KCNH8: variants seen among roughly 807,000 people sequenced by gnomAD.
KCNH8 encodes potassium voltage-gated channel subfamily H member 8.
In KCNH8, 70 loss-of-function variants were observed where a neutral mutation model predicts 103.6. That is an observed-to-expected ratio of 0.68 (90% CI 0.56 to 0.82). The LOEUF (loss-of-function observed/expected upper bound fraction) is 0.82, where lower values mean the gene tolerates loss of function less well. Ranked by LOEUF, KCNH8 falls within the 40% of genes least tolerant of loss-of-function variation. The pLI is 0.00. For synonymous variants in KCNH8, 498 were observed against 489.4 expected, an observed-to-expected ratio of 1.02 and a Z score of -0.23; for missense variants, 1,217 against 1,329.9, an observed-to-expected ratio of 0.92 and a Z score of 1.32.
At chr3:19,300,108 G>A (rs2065046689) in intron 3 of KCNH8, among the ~76,000 whole-genome samples, 1 of 152,126 alleles carries the variant, frequency 6.6e-6, no homozygotes, top group African/African-American at 2.4e-5. Context: ...AATTAGCCAG[G>A]CATGGTGGCA....
chr3:19,486,379 C>T (rs1276530935), intron 11 of KCNH8, among the ~76,000 whole-genome samples: 2 of 152,208 alleles, frequency 1.3e-5, no homozygotes, highest in Admixed American at 1.3e-4. Flanking sequence ...CTTTGGTATT[C>T]ATCAAGGTTA....
rs554244294 is a variant in KCNH8, at chr3:19,185,007, T to G, written c.76+36212T>G. On this transcript the variant is annotated intron_variant, in intron 1 of 15. Transcript: ENST00000328405. ...GTGCATTATATAGATATACCATACT[T>G]GGTTTATCCATATACCAGTTGTTGA... is the stretch of plus-strand genomic sequence containing the variant. 1.9e-4 allele frequency among the ~76,000 whole-genome samples: 29 copies of G among 152,040 alleles called. No homozygotes were observed. The East Asian group carries it at 4.8e-3, about 25-fold the overall frequency.
intron 11 of KCNH8, among the ~76,000 whole-genome samples, chr3:19,466,471 T>C (rs2067737814): frequency 6.6e-6 from 1 of 152,146 alleles, no homozygotes; most frequent in Non-Finnish European, 1.5e-5. Context: ...AATAGTCCAA[T>C]TGATGTCACA....
chr3:19,517,616 G>A (rs1190510944), intron 14 of KCNH8, among the ~76,000 whole-genome samples: 2 of 151,932 alleles, frequency 1.3e-5, no homozygotes, highest in Non-Finnish European at 2.9e-5. Context: ...GTTTAGAATG[G>A]AACGAGAGAA....
At chr3:19,307,633 C>A (rs936715230) in intron 3 of KCNH8, among the ~76,000 whole-genome samples, 2 of 151,836 alleles carry the variant, frequency 1.3e-5, no homozygotes, top group Admixed American at 6.6e-5. Context: ...AGTAGGCAAC[C>A]TATGGAATCA....
intron 2 of KCNH8, 77 bp from the exon 3 acceptor site, chr3:19,281,121 T>C: frequency 6.8e-7 from 1 of 1,473,314 alleles, no homozygotes; most frequent in East Asian, 2.3e-5. Flanking sequence ...GCTTTATTTT[T>C]TATTGATGAT....
chr3:19,427,193 A>G (rs2067041808), intron 7 of KCNH8, among the ~76,000 whole-genome samples: 1 of 152,216 alleles, frequency 6.6e-6, no homozygotes, highest in African/African-American at 2.4e-5. Flanking sequence ...AGTGCTTTTA[A>G]AAAAACCACT....
At chr3:19,425,635 G>A (rs1026587228) in intron 7 of KCNH8, among the ~76,000 whole-genome samples, 1 of 152,174 alleles carries the variant, frequency 6.6e-6, no homozygotes, top group African/African-American at 2.4e-5. Context: ...TGGTCTGAAG[G>A]TAAACTTGAC....
At chr3:19,170,801 TA>T (rs1402463574) in intron 1 of KCNH8, among the ~76,000 whole-genome samples, 1,651 of 107,266 alleles carry the variant, frequency 0.015, 23 homozygotes, top group Non-Finnish European at 0.022. Flanking sequence ...TATATATATA[TA>T]TATATATATT....
intron 10 of KCNH8, 121 bp downstream of exon 10, chr3:19,451,525 G>A (rs1217083782): frequency 7.0e-6 from 6 of 857,166 alleles, no homozygotes; most frequent in Non-Finnish European, 9.2e-6. Context: ...ATGAACTCAG[G>A]AGTATTCCTC....
intron 1 of KCNH8, among the ~76,000 whole-genome samples, chr3:19,208,542 C>A (rs1416893080): frequency 6.6e-6 from 1 of 151,922 alleles, no homozygotes; most frequent in African/African-American, 2.4e-5. Flanking sequence ...TACTATTAAT[C>A]AAATACTATT....
intron 3 of KCNH8, among the ~76,000 whole-genome samples, chr3:19,302,714 C>T (rs577315069): frequency 6.6e-6 from 1 of 152,308 alleles, no homozygotes; most frequent in Non-Finnish European, 1.5e-5. Flanking sequence ...CCTACTTAGA[C>T]TCTCTTCATC....
intron 3 of KCNH8, among the ~76,000 whole-genome samples, chr3:19,294,664 T>C (rs1189361023): frequency 2.6e-5 from 4 of 152,220 alleles, no homozygotes; most frequent in African/African-American, 9.6e-5. Context: ...TCTACACATA[T>C]TCGCTAATGT....
chr3:19,526,708 G>A (rs1575176098), intron 15 of KCNH8, among the ~76,000 whole-genome samples: 1 of 151,820 alleles, frequency 6.6e-6, no homozygotes, highest in East Asian at 1.9e-4. Flanking sequence ...GAAGTGCTGG[G>A]GACTTCCATG....
At chr3:19,484,792 A>C (rs1473992937) in intron 11 of KCNH8, among the ~76,000 whole-genome samples, 1 of 152,090 alleles carries the variant, frequency 6.6e-6, no homozygotes, top group Non-Finnish European at 1.5e-5. Context: ...TTATTTACCT[A>C]AGTTGAGATT....
At chr3:19,204,437 AGAGT>A (rs1217876981) in intron 1 of KCNH8, among the ~76,000 whole-genome samples, 16 of 151,878 alleles carry the variant, frequency 1.1e-4, no homozygotes, top group African/African-American at 3.1e-4. Flanking sequence ...AGAGAGAGAG[AGAGT>A]GTCTGTGTGT....
chr3:19,491,059 C>A (rs1002513938), intron 11 of KCNH8, among the ~76,000 whole-genome samples: 3 of 151,992 alleles, frequency 2.0e-5, no homozygotes, highest in African/African-American at 7.3e-5. Context: ...ATATAGTGCT[C>A]TTTTTTAAGC....
At chr3:19,356,478 A>G (rs1397677474) in intron 5 of KCNH8, among the ~76,000 whole-genome samples, 2 of 151,936 alleles carry the variant, frequency 1.3e-5, no homozygotes, top group East Asian at 3.9e-4. Context: ...CTGTACTCTT[A>G]CTCTTAAATT....
intron 3 of KCNH8, among the ~76,000 whole-genome samples, chr3:19,289,123 T>G (rs1172563126): frequency 6.6e-6 from 1 of 152,154 alleles, no homozygotes; most frequent in Non-Finnish European, 1.5e-5. Context: ...ATTCTGGATA[T>G]TAGCCCTTTG....
Sources: gnomAD v4.1 joint callset for allele counts (sites outside exome capture counted in the v4.1 genomes callset) on GRCh38, gnomAD v4.1.1 for gene constraint, MANE v1.5 for transcripts, NCBI Gene and HGNC (gene_info 2026-07-23, HGNC 2026-07-21) for gene names.